The following FMNL2 variants were observed in gnomAD, a reference collection of about 807,000 sequenced individuals.
The protein encoded by FMNL2 is formin-like protein 2.
FMNL2 carries 51 observed loss-of-function variants against 130.2 expected under a neutral mutation model. The observed-to-expected ratio is 0.39, with a 90% CI of 0.31 to 0.49. The LOEUF (loss-of-function observed/expected upper bound fraction) is 0.49, where lower values mean the gene tolerates loss of function less well. Ranked by LOEUF, FMNL2 falls within the 20% of genes least tolerant of loss-of-function variation. FMNL2 has a pLI of 0.85. For synonymous variants in FMNL2, 465 were observed against 467.1 expected (o/e 1.00, Z 0.06); for missense variants, 977 against 1,316.2 (o/e 0.74, Z 3.99).
At chr2:152,566,174 G>T (rs1254059481) in intron 6 of FMNL2, among the ~76,000 whole-genome samples, 1 of 152,214 alleles carries the variant, frequency 6.6e-6, no homozygotes, top group Non-Finnish European at 1.5e-5. Flanking sequence ...AAGAGATGAA[G>T]AATTCAAATG....
chr2:152,605,161 C>T (rs1348555159), intron 9 of FMNL2, among the ~76,000 whole-genome samples: 2 of 152,034 alleles, frequency 1.3e-5, no homozygotes, highest in African/African-American at 4.8e-5. Flanking sequence ...CCCCTTAAAT[C>T]TCTGGTTGTC....
chr2:152,643,008 C>CA (rs112848700), intron 25 of FMNL2, among the ~76,000 whole-genome samples: 41 of 151,206 alleles, frequency 2.7e-4, no homozygotes, highest in Admixed American at 9.9e-4. Flanking sequence ...GACTCTGTCT[C>CA]AAAAAAAAAC....
intron 1 of FMNL2, among the ~76,000 whole-genome samples, chr2:152,491,368 GAA>G (rs996880178): frequency 2.0e-5 from 3 of 152,106 alleles, no homozygotes; most frequent in African/African-American, 7.2e-5. Flanking sequence ...GCCTAGGCTG[GAA>G]AAACACTGTG....
chr2:152,549,122 A>G (rs1360863799), intron 4 of FMNL2, 25 bp downstream of exon 4: 4 of 1,510,746 alleles, frequency 2.6e-6, no homozygotes, highest in Non-Finnish European at 2.7e-6. Context: ...TTAACATCTT[A>G]GCTCTAAAGC....
intron 1 of FMNL2, among the ~76,000 whole-genome samples, chr2:152,481,749 T>A (rs1690538311): frequency 6.6e-6 from 1 of 152,204 alleles, no homozygotes; most frequent in Admixed American, 6.5e-5. Context: ...AACCTGATAA[T>A]GTCAGATCTT....
At chr2:152,590,894 C>T (rs923397227) in intron 9 of FMNL2, among the ~76,000 whole-genome samples, 1 of 143,090 alleles carries the variant, frequency 7.0e-6, no homozygotes. Context: ...GTGTTTATTT[C>T]TGTTGCTTGG....
At chr2:152,468,933 A>G (rs1455131600) in intron 1 of FMNL2, among the ~76,000 whole-genome samples, 1 of 152,224 alleles carries the variant, frequency 6.6e-6, no homozygotes, top group Non-Finnish European at 1.5e-5. Context: ...TAGGATATAA[A>G]TGAAGTAATA....
chr2:152,568,218 G>GTTTTTTTTTTTTTTTTT (rs1177965681), intron 6 of FMNL2, among the ~76,000 whole-genome samples: 543 of 34,720 alleles, frequency 0.016, 23 homozygotes, highest in African/African-American at 0.039. Flanking sequence ...ATTTTGGTGG[G>GTTTTTTTTTTTTTTTTT]TTTTTTTTTT....
At position 152,565,070 on chromosome 2, in the gene FMNL2, A is replaced by G. The variant is rs73969123; in HGVS notation, c.596+4035A>G. 5.7e-3 allele frequency among the ~76,000 whole-genome samples: 866 copies of G among 152,268 alleles called. 3 individuals are homozygous for G. Among genetic ancestry groups the G allele is most frequent in the African/African-American group, 0.017 (691 of 41,544 alleles). ...TTTCTGTCAGTGCGGCTACAGAGCTAGCTAAATTTAACAATGCCATATAGG... is the reference window on the plus strand; with the variant it reads ...TTTCTGTCAGTGCGGCTACAGAGCTGGCTAAATTTAACAATGCCATATAGG... On this transcript the variant is annotated intron_variant, in intron 6 of 25. Transcript: ENST00000288670.
At chr2:152,586,631 A>T (rs180961025) in intron 9 of FMNL2, among the ~76,000 whole-genome samples, 1 of 152,296 alleles carries the variant, frequency 6.6e-6, no homozygotes, top group East Asian at 1.9e-4. Context: ...GTATTCTCTC[A>T]AGTCTCAAAC....
At chr2:152,415,765 A>T (rs1408181997) in intron 1 of FMNL2, among the ~76,000 whole-genome samples, 4 of 152,236 alleles carry the variant, frequency 2.6e-5, no homozygotes, top group Non-Finnish European at 4.4e-5. Context: ...GCCTTTAAAC[A>T]TTGTAAACTT....
intron 1 of FMNL2, among the ~76,000 whole-genome samples, chr2:152,429,268 A>G (rs967818687): frequency 2.6e-5 from 4 of 151,446 alleles, no homozygotes; most frequent in Non-Finnish European, 4.4e-5. Flanking sequence ...GACAGCACGC[A>G]GTGTCCGACC....
At chr2:152,419,373 C>T (rs1686785767) in intron 1 of FMNL2, among the ~76,000 whole-genome samples, 2 of 151,906 alleles carry the variant, frequency 1.3e-5, no homozygotes, top group Middle Eastern at 3.2e-3. Context: ...GTGGAATAGC[C>T]CTCAAAAAAG....
intron 21 of FMNL2, among the ~76,000 whole-genome samples, chr2:152,633,860 C>T (rs1290635499): frequency 6.6e-6 from 1 of 152,190 alleles, no homozygotes; most frequent in Non-Finnish European, 1.5e-5. Context: ...CTGGGTTGCT[C>T]CCTGGCAGAA....
chr2:152,419,974 G>A (rs1225889082), intron 1 of FMNL2, among the ~76,000 whole-genome samples: 2 of 152,174 alleles, frequency 1.3e-5, no homozygotes, highest in African/African-American at 4.8e-5. Context: ...TTCCCTCAAG[G>A]CTGAGAGGTT....
chr2:152,491,875 C>T (rs1467722161), intron 1 of FMNL2, among the ~76,000 whole-genome samples: 11 of 152,056 alleles, frequency 7.2e-5, no homozygotes, highest in Admixed American at 4.6e-4. Flanking sequence ...CGCCTGAACT[C>T]GGGAGGCGGA....
chr2:152,593,358 T>C (rs1697537864), intron 9 of FMNL2, among the ~76,000 whole-genome samples: 1 of 152,190 alleles, frequency 6.6e-6, no homozygotes, highest in African/African-American at 2.4e-5. Context: ...AAATGCTATA[T>C]ATATATATTG....
At chr2:152,531,538 G>A (rs1487171039) in intron 2 of FMNL2, among the ~76,000 whole-genome samples, 1 of 151,480 alleles carries the variant, frequency 6.6e-6, no homozygotes, top group Admixed American at 6.6e-5. Context: ...ACAGTGGCAC[G>A]ATGTCGGATC....
intron 6 of FMNL2, among the ~76,000 whole-genome samples, chr2:152,564,528 C>T (rs570658532): frequency 6.6e-6 from 1 of 152,230 alleles, no homozygotes; most frequent in South Asian, 2.1e-4. Flanking sequence ...TCGAGACCAG[C>T]CTGGCCAACA....
Sources: allele counts gnomAD v4.1 joint callset (sites outside exome capture counted in the v4.1 genomes callset), GRCh38; gene constraint gnomAD v4.1.1; transcripts MANE v1.5; gene names NCBI Gene and HGNC (gene_info 2026-07-23, HGNC 2026-07-21).